Variants in ATP2B2 observed in about 807,000 individuals in gnomAD.
The protein encoded by ATP2B2 is ATPase plasma membrane Ca2+ transporting 2, also known as plasma membrane calcium-transporting ATPase 2.
ATP2B2 carries 15 observed loss-of-function variants against 120.0 expected under a neutral mutation model. The observed-to-expected ratio is 0.12, with a 90% CI of 0.08 to 0.19. The LOEUF is 0.19. Among genes scored for constraint, ATP2B2 ranks in the 10% least tolerant of loss-of-function variants. The pLI, the probability that ATP2B2 is intolerant of heterozygous loss-of-function variation, is 1.00. For missense variants in ATP2B2, 1,045 were observed against 1,719.8 expected, an observed-to-expected ratio of 0.61 and a Z score of 6.94; for synonymous variants, 694 against 700.3, an observed-to-expected ratio of 0.99 and a Z score of 0.14.
intron 1 of ATP2B2, among the ~76,000 whole-genome samples, chr3:10,661,859 G>T (rs1037591622): frequency 3.3e-5 from 5 of 152,134 alleles, no homozygotes; most frequent in African/African-American, 1.2e-4. Context: ...ATACTACAAG[G>T]CTACAGTAAC....
rs187739440 is a variant in ATP2B2, at chr3:10,355,647, C to A, written c.2136+3044G>T. Among the ~76,000 whole-genome samples the A allele has an allele frequency of 8.8e-4, 134 of 152,266 alleles. 1 individual carries two copies. Among genetic ancestry groups the A allele is most frequent in the African/African-American group, 3.2e-3 (131 of 41,564 alleles). Reference sequence around the variant, plus strand: ...AGGCCCCCCTTTCCCAGAGTCTGTGCCTGCAGCTAACTTCTCTGGATGACC... The same window carrying A: ...AGGCCCCCCTTTCCCAGAGTCTGTGACTGCAGCTAACTTCTCTGGATGACC... On this transcript the variant is annotated intron_variant, in intron 14 of 22. Transcript: ENST00000360273.
At chr3:10,567,894 T>A (rs1049686142) in intron 2 of ATP2B2, among the ~76,000 whole-genome samples, 1 of 152,058 alleles carries the variant, frequency 6.6e-6, no homozygotes, top group Non-Finnish European at 1.5e-5. Flanking sequence ...TGATGAATGG[T>A]CAAACTGTAC....
intron 1 of ATP2B2, among the ~76,000 whole-genome samples, chr3:10,494,856 T>C (rs2066079066): frequency 6.6e-6 from 1 of 152,176 alleles, no homozygotes; most frequent in Non-Finnish European, 1.5e-5. Context: ...GCTATGGTCA[T>C]TTCCCCCCAA....
intron 2 of ATP2B2, among the ~76,000 whole-genome samples, chr3:10,422,629 G>C (rs184806580): frequency 2.0e-5 from 3 of 152,354 alleles, no homozygotes. Context: ...CTGACATCTA[G>C]ACGTGCACAT....
At chr3:10,405,821 G>T (rs1018145245) in intron 3 of ATP2B2, among the ~76,000 whole-genome samples, 1 of 152,160 alleles carries the variant, frequency 6.6e-6, no homozygotes, top group African/African-American at 2.4e-5. Context: ...CCTCAAAACT[G>T]GTTGAGCCAT....
intron 12 of ATP2B2, among the ~76,000 whole-genome samples, chr3:10,363,707 TA>T (rs897126970): frequency 2.1e-4 from 31 of 148,188 alleles, no homozygotes; most frequent in Admixed American, 2.7e-4. Context: ...TGGCTACTGT[TA>T]AAAAAAAAAG....
intron 22 of ATP2B2, chr3:10,331,834 C>G (rs184604807): frequency 1.5e-6 from 1 of 675,680 alleles, no homozygotes; most frequent in East Asian, 2.8e-5. Flanking sequence ...CAGGGAGACC[C>G]ATGCCCGTTG....
chr3:10,607,190 G>C (rs73811946), intron 2 of ATP2B2, among the ~76,000 whole-genome samples: 2,331 of 152,214 alleles, frequency 0.015, 57 homozygotes, highest in African/African-American at 0.053. Flanking sequence ...TGTGACACTG[G>C]CCAGTTGCTT....
In ATP2B2 at chr3:10,635,918, G is replaced by A. The variant is rs2125644905; in HGVS notation, c.-459-15957C>T. On this transcript the variant is annotated intron_variant, in intron 1 of 21. Coordinates refer to the ATP2B2 transcript ENST00000646379. The surrounding 1 kb of genome is among the most constrained non-coding windows in gnomAD (Gnocchi z 4.3). Reference sequence around the variant, plus strand: ...CCAGGCCTTCCTGCTGAGCCTCTCAGGGATGAGCCTCCAGGCAGAGGGCCC... The same window carrying A: ...CCAGGCCTTCCTGCTGAGCCTCTCAAGGATGAGCCTCCAGGCAGAGGGCCC... Among the ~76,000 whole-genome samples the A allele has an allele frequency of 6.6e-6, 1 of 152,348 alleles. No homozygotes were observed. The highest frequency in any genetic ancestry group is 2.4e-5 in the African/African-American group (1 of 41,584).
At chr3:10,618,215 T>A (rs1011451789) in intron 2 of ATP2B2, among the ~76,000 whole-genome samples, 1 of 152,228 alleles carries the variant, frequency 6.6e-6, no homozygotes, top group African/African-American at 2.4e-5. Flanking sequence ...AATGGTCAAG[T>A]GACTTTGGGC....
chr3:10,566,606 G>A (rs563215505), intron 2 of ATP2B2: 2 of 152,312 alleles, frequency 1.3e-5, no homozygotes, highest in East Asian at 1.9e-4. Flanking sequence ...AGAAGGCAAC[G>A]TTCAACGGAA....
intron 1 of ATP2B2, among the ~76,000 whole-genome samples, chr3:10,697,589 C>G (rs2125717617): frequency 6.6e-6 from 1 of 152,352 alleles, no homozygotes; most frequent in Middle Eastern, 3.4e-3. Flanking sequence ...TCTCTGGGGC[C>G]TCTTCCTATG....
In ATP2B2 at chr3:10,350,376, T is replaced by G. The variant is rs749050875; in HGVS notation, c.2316+22A>C. 8.1e-6 allele frequency: 13 copies of G among 1,614,158 alleles called. No homozygotes were observed. The East Asian group carries it at 2.2e-4, about 28-fold the overall frequency. ...CCATCTGAGCGCGTTCCCCTGAGGA[T>G]GCTTTACGTTGGGACACGCACCTCC... On this transcript the variant is annotated intron_variant, in intron 15 of 22. Coordinates refer to ENST00000360273, the MANE Select transcript of ATP2B2 (RefSeq NM_001001331.4).
intron 12 of ATP2B2, among the ~76,000 whole-genome samples, chr3:10,365,716 T>C (rs2061027597): frequency 7.9e-6 from 1 of 126,892 alleles, no homozygotes; most frequent in African/African-American, 2.9e-5. Context: ...CTGTGGTATG[T>C]TTGGTGTGTG....
intron 1 of ATP2B2, among the ~76,000 whole-genome samples, chr3:10,464,925 G>A (rs2064670137): frequency 1.3e-5 from 2 of 152,346 alleles, no homozygotes; most frequent in South Asian, 4.1e-4. Context: ...GCCAGTCAGA[G>A]GACTCACCTT....
At chr3:10,667,701 C>A (rs961947311) in intron 1 of ATP2B2, among the ~76,000 whole-genome samples, 2 of 152,182 alleles carry the variant, frequency 1.3e-5, no homozygotes, top group African/African-American at 4.8e-5. Context: ...GTTAACGTGT[C>A]CCCCAGTGGC....
At chr3:10,378,218 G>A (rs1416994816) in intron 10 of ATP2B2, 34 bp downstream of exon 10, 4 of 1,598,576 alleles carry the variant, frequency 2.5e-6, no homozygotes, top group African/African-American at 2.7e-5. Flanking sequence ...CCCCCTGTGA[G>A]CCCTGTCCCC....
At chr3:10,592,237 T>C (rs964134296) in intron 2 of ATP2B2, among the ~76,000 whole-genome samples, 1 of 152,196 alleles carries the variant, frequency 6.6e-6, no homozygotes, top group East Asian at 1.9e-4. Context: ...TAGTATTGAG[T>C]GAATACTCAA....
intron 2 of ATP2B2, among the ~76,000 whole-genome samples, chr3:10,551,111 C>T (rs2067660384): frequency 6.6e-6 from 1 of 152,186 alleles, no homozygotes; most frequent in Non-Finnish European, 1.5e-5. Flanking sequence ...GAAGGGGACT[C>T]CAGCCAGAGA....
Sources: gnomAD v4.1 joint callset for allele counts (sites outside exome capture counted in the v4.1 genomes callset) on GRCh38, gnomAD v4.1.1 for gene constraint, Gnocchi (gnomAD v3.1) non-coding constraint, MANE v1.5 for transcripts, NCBI Gene and HGNC (gene_info 2026-07-23, HGNC 2026-07-21) for gene names.